The following ARID1B variants were observed in gnomAD, a reference collection of about 807,000 sequenced individuals.
ARID1B encodes AT-rich interactive domain-containing protein 1B.
Under a neutral mutation model 212.3 loss-of-function variants are expected in ARID1B, and 30 were observed. The ratio of observed to expected loss-of-function variants is 0.14; its 90% CI spans 0.11 to 0.19. The LOEUF (loss-of-function observed/expected upper bound fraction) is 0.19, where lower values mean the gene tolerates loss of function less well. Ranked by LOEUF, ARID1B falls within the 10% of genes least tolerant of loss-of-function variation. The pLI is 1.00. For missense variants in ARID1B, 2,891 were observed against 3,204.0 expected (o/e 0.90, Z 2.36); for synonymous variants, 1,402 against 1,301.7 (o/e 1.08, Z -1.66).
At chr6:157,161,903 C>T (rs929884589) in intron 8 of ARID1B, among the ~76,000 whole-genome samples, 1 of 152,186 alleles carries the variant, frequency 6.6e-6, no homozygotes, top group African/African-American at 2.4e-5. Flanking sequence ...ACCTGGCACT[C>T]GCACTCATTT....
At chr6:157,192,310 A>G (rs1793435847) in intron 15 of ARID1B, among the ~76,000 whole-genome samples, 1 of 152,160 alleles carries the variant, frequency 6.6e-6, no homozygotes, top group African/African-American at 2.4e-5. Flanking sequence ...AACCATTCCC[A>G]TATCCCACCG....
At chr6:157,144,556 A>G (rs1312499197) in intron 7 of ARID1B, among the ~76,000 whole-genome samples, 2 of 152,232 alleles carry the variant, frequency 1.3e-5, no homozygotes, top group Non-Finnish European at 2.9e-5. Flanking sequence ...ACTGTATTTC[A>G]CTGATCTTAT....
intron 18 of ARID1B, among the ~76,000 whole-genome samples, chr6:157,202,290 A>G (rs1217871877): frequency 6.6e-6 from 1 of 152,238 alleles, no homozygotes; most frequent in Admixed American, 6.5e-5. Flanking sequence ...CTTTTAACAC[A>G]GGAAGGAAGA....
At chr6:157,146,063 C>T (rs1789700379) in intron 7 of ARID1B, among the ~76,000 whole-genome samples, 1 of 152,240 alleles carries the variant, frequency 6.6e-6, no homozygotes, top group East Asian at 1.9e-4. Flanking sequence ...CCCTGCCAGA[C>T]CCAGCCTCTC....
intron 4 of ARID1B, among the ~76,000 whole-genome samples, chr6:157,065,654 G>T (rs994291394): frequency 1.3e-5 from 2 of 152,218 alleles, no homozygotes; most frequent in African/African-American, 4.8e-5. Flanking sequence ...TTCCGTTTCA[G>T]TTGGACTTCT....
chr6:156,861,535 C>T (rs1785333917), intron 2 of ARID1B, among the ~76,000 whole-genome samples: 1 of 152,052 alleles, frequency 6.6e-6, no homozygotes, highest in African/African-American at 2.4e-5. Flanking sequence ...TGCCTGAACC[C>T]TGGAGGCGGA....
chr6:156,998,428 T>C (rs1778722927), intron 4 of ARID1B, among the ~76,000 whole-genome samples: 1 of 152,172 alleles, frequency 6.6e-6, no homozygotes, highest in South Asian at 2.1e-4. Flanking sequence ...TTTCACCGTG[T>C]TAGCCAGGAT....
chr6:156,941,556 A>T (rs1202313060), intron 4 of ARID1B: 1 of 152,228 alleles, frequency 6.6e-6, no homozygotes, highest in Admixed American at 6.5e-5. Flanking sequence ...AGTGACTCTG[A>T]CAGATGTTTA....
intron 10 of ARID1B, 84 bp downstream of exon 10, chr6:157,174,201 A>G: frequency 8.0e-7 from 1 of 1,249,224 alleles, no homozygotes; most frequent in Non-Finnish European, 1.2e-6. Context: ...GTGTTGGCCG[A>G]CACTTTTTTT....
At chr6:157,069,653 C>T (rs1014824418) in intron 4 of ARID1B, among the ~76,000 whole-genome samples, 1 of 152,136 alleles carries the variant, frequency 6.6e-6, no homozygotes, top group African/African-American at 2.4e-5. Context: ...AAGGGCAATC[C>T]TGTTTGAATA....
intron 4 of ARID1B, among the ~76,000 whole-genome samples, chr6:156,997,019 C>T (rs1396871685): frequency 6.6e-6 from 1 of 152,108 alleles, no homozygotes; most frequent in East Asian, 1.9e-4. Context: ...TGAATTTGTC[C>T]TAGTAAACCT....
At chr6:156,885,388 T>C (rs952492121) in intron 2 of ARID1B, among the ~76,000 whole-genome samples, 28 of 152,218 alleles carry the variant, frequency 1.8e-4, no homozygotes, top group African/African-American at 6.5e-4. Context: ...ATGTATAGTT[T>C]AGAATGCCTA....
chr6:157,127,502 A>G (rs943404676), intron 6 of ARID1B, among the ~76,000 whole-genome samples: 3 of 151,802 alleles, frequency 2.0e-5, no homozygotes, highest in African/African-American at 7.3e-5. Flanking sequence ...TAGAAATACA[A>G]AAATTACGCC....
Position 156,911,983 on chromosome 6 carries a change from A to G in ARID1B, c.2136+10458A>G, listed in dbSNP as rs1368831568. Among the ~76,000 whole-genome samples the G allele has an allele frequency of 2.6e-4, 40 of 152,280 alleles. 1 individual carries two copies. The highest frequency in any genetic ancestry group is 4.4e-5 in the Non-Finnish European group (3 of 68,052). ...AAGTCTGGAAATGTTATAAATTTGT[A>G]AATAAAATACAAATACATAGTAAAA... On this transcript the variant is annotated intron_variant, in intron 3 of 19. Coordinates refer to ENST00000636930, the MANE Select transcript of ARID1B (RefSeq NM_001374828.1).
rs117236388 is a variant in ARID1B, at chr6:157,123,564, G to T, written c.2582-9464G>T. On this transcript the variant is annotated intron_variant, in intron 6 of 19. Coordinates refer to ENST00000636930, the MANE Select transcript of ARID1B (RefSeq NM_001374828.1). ...CTCCCTAGGGGCAGCCTCGGAAGGC[G>T]TGCCAGGAGGCTCACAGGTGTGGCA... 1.0e-3 allele frequency among the ~76,000 whole-genome samples: 152 copies of T among 152,316 alleles called. 1 individual carries two copies. Among genetic ancestry groups the T allele is most frequent in the African/African-American group, 3.5e-3 (145 of 41,570 alleles).
intron 4 of ARID1B, among the ~76,000 whole-genome samples, chr6:157,077,319 C>A (rs2128445526): frequency 6.6e-6 from 1 of 152,220 alleles, no homozygotes. Flanking sequence ...GCAAATTTTT[C>A]CTCTTCTAAT....
At chr6:156,913,956 C>A (rs1790128500) in intron 3 of ARID1B, among the ~76,000 whole-genome samples, 1 of 149,422 alleles carries the variant, frequency 6.7e-6, no homozygotes, top group African/African-American at 2.5e-5. Flanking sequence ...ACCAGCCCAT[C>A]CCAGCCCATG....
chr6:157,056,992 C>T (rs554370681), intron 4 of ARID1B, among the ~76,000 whole-genome samples: 56 of 149,100 alleles, frequency 3.8e-4, no homozygotes, highest in Non-Finnish European at 6.4e-4. Context: ...TATTTTATTA[C>T]CCCAGTTGTT....
At chr6:157,093,610 A>T (rs929247985) in intron 5 of ARID1B, among the ~76,000 whole-genome samples, 2 of 152,230 alleles carry the variant, frequency 1.3e-5, no homozygotes, top group African/African-American at 4.8e-5. Context: ...TATAACTAGG[A>T]ATTGTTAATG....
Sources: allele counts gnomAD v4.1 joint callset (sites outside exome capture counted in the v4.1 genomes callset), GRCh38; gene constraint gnomAD v4.1.1; transcripts MANE v1.5; gene names NCBI Gene and HGNC (gene_info 2026-07-23, HGNC 2026-07-21).